Variants in NRK observed in about 807,000 individuals in gnomAD.
NRK encodes Nik related kinase, also known as nik-related protein kinase.
In NRK, 67 loss-of-function variants were observed where a neutral mutation model predicts 125.2. That is an observed-to-expected ratio of 0.54 (90% confidence interval 0.44 to 0.66). The LOEUF (loss-of-function observed/expected upper bound fraction) is 0.66. NRK is among the 30% of genes least tolerant of loss of function. The pLI is 0.00. For missense variants in NRK, 1,224 were observed against 1,192.9 expected (o/e 1.03, Z -0.38); for synonymous variants, 458 against 429.0 (o/e 1.07, Z -0.84).
intron 16 of NRK, among the ~76,000 whole-genome samples, chrX:105,920,502 G>A (rs1232386062): frequency 1.9e-5 from 2 of 107,262 alleles, no homozygotes; most frequent in Non-Finnish European, 3.8e-5. Flanking sequence ...CCATTTTCAC[G>A]ATATTGATTC....
At chrX:105,869,409 C>G (rs775349295) in intron 2 of NRK, among the ~76,000 whole-genome samples, 2 of 110,922 alleles carry the variant, frequency 1.8e-5, no homozygotes, top group African/African-American at 6.6e-5. Context: ...TCCTCATCAT[C>G]ATCTTTCTCC....
At chrX:105,826,219 GTGATAATATAT>G (rs2039097117) in intron 1 of NRK, among the ~76,000 whole-genome samples, 1 of 83,906 alleles carries the variant, frequency 1.2e-5, no homozygotes, top group Admixed American at 1.5e-4. Flanking sequence ...ATAATAATAT[GTGATAATATAT>G]TATCATATAT....
intron 15 of NRK, among the ~76,000 whole-genome samples, 190 bp from the exon 16 acceptor site, chrX:105,917,388 T>C (rs979240719): frequency 4.5e-5 from 5 of 111,398 alleles, no homozygotes; most frequent in Non-Finnish European, 9.4e-5. Flanking sequence ...AAATCGTTAC[T>C]CTATTCTAGA....
chrX:105,872,449 T>C (rs1185553837), intron 2 of NRK, among the ~76,000 whole-genome samples: 2 of 111,748 alleles, frequency 1.8e-5, no homozygotes, highest in Non-Finnish European at 3.8e-5. Flanking sequence ...CATCTCCTCT[T>C]TGGGCAATTG....
At chrX:105,855,979 G>C (rs2039526917) in intron 2 of NRK, among the ~76,000 whole-genome samples, 1 of 111,629 alleles carries the variant, frequency 9.0e-6, no homozygotes, top group South Asian at 3.7e-4. Flanking sequence ...AGGAAAATTT[G>C]TGGTTGTAAC....
In NRK at chrX:105,889,115, G is replaced by A. The variant is rs529253092; in HGVS notation, c.378+696G>A. ...TAAAATCAAAAGCAAGTTAGTTACC[G>A]TAGATACAATGTGGGTATAGGCATT... On this transcript the variant is annotated intron_variant, in intron 5 of 28. Transcript: ENST00000243300. Among the ~76,000 whole-genome samples, 161 of 112,429 alleles carry A rather than the reference G, an allele frequency of 1.4e-3. 2 individuals carry two copies. In the South Asian group the frequency reaches 0.056, roughly 39 times the overall value.
chrX:105,896,255 T>A (rs183027564), intron 7 of NRK, among the ~76,000 whole-genome samples: 1 of 112,119 alleles, frequency 8.9e-6, no homozygotes, highest in Admixed American at 9.5e-5. Flanking sequence ...TACATTGTAG[T>A]GGCAGATAAT....
rs765633865 is a variant in NRK at position 105,952,277 on chromosome X, A to G, written c.4514-757A>G. 2.7e-5 allele frequency among the ~76,000 whole-genome samples: 3 copies of G among 111,961 alleles called. No individual in the cohort carries two copies. The East Asian group carries it at 8.4e-4, about 31-fold the overall frequency. Reference sequence around the variant, plus strand: ...TTACTTATGGAATTTTTCCCCATGAAGTACATAAAGAATATTAAATTGAAA... The same window carrying G: ...TTACTTATGGAATTTTTCCCCATGAGGTACATAAAGAATATTAAATTGAAA... On this transcript the variant is annotated intron_variant, in intron 27 of 28. Coordinates refer to ENST00000243300, the MANE Select transcript of NRK (RefSeq NM_198465.4).
At chrX:105,888,910 A>G (rs974416457) in intron 5 of NRK, among the ~76,000 whole-genome samples, 10 of 111,484 alleles carry the variant, frequency 9.0e-5, no homozygotes, top group Non-Finnish European at 1.9e-5. Context: ...GTGTGGACAC[A>G]GAGCCAAACC....
In NRK at chrX:105,898,732, G is replaced by C; in HGVS notation, c.711+18G>C. 9.0e-7 allele frequency: 1 copy of C among 1,113,691 alleles called. No individual in the cohort carries two copies. Among genetic ancestry groups the C allele is most frequent in the South Asian group, 2.4e-5 (1 of 40,839 alleles). 91.8% of individuals were successfully genotyped at this position (1,113,691 alleles called of 1,213,427 possible). ...ATTACAGAGTGAGTGTGAGAATTCA[G>C]CCAGTGGAAATTACAATTTGGAAAG... On this transcript the variant is annotated intron_variant, in intron 8 of 28. Transcript: ENST00000243300.
chrX:105,944,005 G>T lies in NRK; in HGVS notation c.4023G>T (p.Trp1341Cys). ...ALKSSIHLYA[W>C]APKSFDESTA... is the part of the protein sequence containing the mutation. ...AATCATCAATTCACCTTTATGCATG[G>T]GCACCAAAGTCCTTTGATGAAAGCA... Residue 1341 changes from tryptophan (W) to cysteine (C), a missense_variant, in exon 24 of 29, where the codon TGG becomes TGT. Transcript: ENST00000243300. The T allele has an allele frequency of 8.6e-7, 1 of 1,167,262 alleles. No homozygotes were observed. The highest frequency in any genetic ancestry group is 1.2e-6 in the Non-Finnish European group (1 of 860,181).
chrX:105,939,157 T>C (rs2040704242), intron 22 of NRK, among the ~76,000 whole-genome samples: 1 of 111,591 alleles, frequency 9.0e-6, no homozygotes, highest in South Asian at 3.7e-4. Context: ...TAAAAACATA[T>C]GAAAGACTAA....
rs1201565981 is a variant in NRK at position 105,935,255 on chromosome X, A to G, written c.3585A>G (p.Ala1195=). ...TTAACCCACTCTATGTCTCTCCTGC[A>G]TGTAAAAAACCACTAATCCACATGT... ...VNVNPLYVSP[A]CKKPLIHMYE... The change falls in exon 21 of 29, where the codon GCA becomes GCG. Residue 1195 remains alanine, a synonymous_variant. Coordinates refer to ENST00000243300, the MANE Select transcript of NRK (RefSeq NM_198465.4). The G allele has an allele frequency of 5.0e-6, 6 of 1,195,211 alleles. No individual in the cohort carries two copies. The highest frequency in any genetic ancestry group is 3.0e-5 in the East Asian group (1 of 33,649).
In NRK at chrX:105,947,345, A is replaced by G. The variant is rs1602703749; in HGVS notation, c.4353+881A>G. Among the ~76,000 whole-genome samples, 2 of 71,154 alleles carry G rather than the reference A, an allele frequency of 2.8e-5. 1 individual carries two copies. The highest frequency in any genetic ancestry group is 8.2e-4 in the East Asian group (2 of 2,433). 61.8% of individuals were successfully genotyped at this position (71,154 alleles called of 115,157 possible). ...GTAGTCCCAGCTCCTTGGGAGGCTG[A>G]GGCAGGAGAATGGCGTGAACCCGGG... On this transcript the variant is annotated intron_variant, in intron 26 of 28. Transcript: ENST00000243300.
intron 28 of NRK, among the ~76,000 whole-genome samples, 200 bp from the exon 29 acceptor site, chrX:105,955,305 T>C (rs2147807435): frequency 8.9e-6 from 1 of 112,040 alleles, no homozygotes; most frequent in South Asian, 3.7e-4. Context: ...TAGACTATAG[T>C]AAAAGGGTTG....
At chrX:105,832,937 A>G (rs1389340860) in intron 2 of NRK, among the ~76,000 whole-genome samples, 1 of 111,230 alleles carries the variant, frequency 9.0e-6, no homozygotes, top group Non-Finnish European at 1.9e-5. Context: ...TCTAAGGCAG[A>G]AGGATCACTT....
chrX:105,955,173 T>C (rs2040959201), intron 28 of NRK, among the ~76,000 whole-genome samples: 1 of 111,650 alleles, frequency 9.0e-6, no homozygotes, highest in Non-Finnish European at 1.9e-5. Flanking sequence ...CCAACTGGAA[T>C]ATAAGTAGAT....
intron 19 of NRK, among the ~76,000 whole-genome samples, chrX:105,934,033 A>C (rs1198708431): frequency 9.0e-6 from 1 of 111,560 alleles, no homozygotes; most frequent in African/African-American, 3.3e-5. Flanking sequence ...TACAGTTGGG[A>C]ACCTATAGCT....
chrX:105,924,198 A>G (rs1028031017), intron 18 of NRK, among the ~76,000 whole-genome samples: 3 of 109,763 alleles, frequency 2.7e-5, no homozygotes, highest in African/African-American at 9.9e-5. Flanking sequence ...TGGTGGGAGT[A>G]GTAGACCAAT....
Sources: allele counts gnomAD v4.1 joint callset (sites outside exome capture counted in the v4.1 genomes callset), GRCh38; gene constraint gnomAD v4.1.1; transcripts MANE v1.5; gene names NCBI Gene and HGNC (gene_info 2026-07-23, HGNC 2026-07-21).